The following DNAH1 variants were observed in gnomAD, a reference collection of about 807,000 sequenced individuals.
The protein encoded by DNAH1 is dynein axonemal heavy chain 1.
DNAH1 carries 327 observed loss-of-function variants against 484.3 expected under a neutral mutation model. The observed-to-expected ratio is 0.68, with a 90% confidence interval of 0.62 to 0.74. The LOEUF is 0.74. Ranked by LOEUF, DNAH1 falls within the 30% of genes least tolerant of loss-of-function variation. The pLI is 0.00. For missense variants in DNAH1, 5,052 were observed against 5,546.8 expected, an observed-to-expected ratio of 0.91 and a Z score of 2.83; for synonymous variants, 2,192 against 2,191.9, an observed-to-expected ratio of 1.00 and a Z score of 0.00.
intron 12 of DNAH1, 48 bp from the exon 13 acceptor site, chr3:52,348,840 C>A (rs770893907): frequency 6.3e-7 from 1 of 1,587,916 alleles, no homozygotes; most frequent in South Asian, 1.1e-5. Context: ...TGCTCATTCA[C>A]CCCCTGGCTC....
chr3:52,382,468 C>T lies in DNAH1; in HGVS notation c.7941+13C>T. On this transcript the variant is annotated intron_variant, in intron 50 of 77. Transcript: ENST00000420323. ...CTCAGACACCCAGGTGCCACTGCCA[C>T]AGCAGAGGGCAGGGCTCGGGGGGGC... The T allele has an allele frequency of 6.2e-7, 1 of 1,613,210 alleles. No homozygotes were observed. Among genetic ancestry groups the T allele is most frequent in the Non-Finnish European group, 8.5e-7 (1 of 1,179,334 alleles).
chr3:52,350,969 C>T (rs1229554443), intron 16 of DNAH1, among the ~76,000 whole-genome samples: 4 of 152,230 alleles, frequency 2.6e-5, no homozygotes, highest in Admixed American at 6.5e-5. Context: ...CCTGCCTCAG[C>T]CTCCTGAGTA....
At chr3:52,398,426 C>G (rs578063477) in intron 75 of DNAH1, among the ~76,000 whole-genome samples, 19 of 152,150 alleles carry the variant, frequency 1.2e-4, no homozygotes, top group African/African-American at 4.3e-4. Flanking sequence ...GGACTATAGG[C>G]GCACACCACC....
At chr3:52,316,197 TC>T (rs1334087341), upstream of DNAH1, 3 of 152,276 alleles carry the variant, frequency 2.0e-5, no homozygotes, top group Non-Finnish European at 2.9e-5. Flanking sequence ...ATCCCTGACA[TC>T]CCACCATAGG....
intron 26 of DNAH1, 44 bp from the exon 27 acceptor site, chr3:52,359,872 C>T: frequency 6.2e-7 from 1 of 1,607,602 alleles, no homozygotes; most frequent in Non-Finnish European, 8.5e-7. Flanking sequence ...GGGTGAGCCT[C>T]CTCGTGGTAC....
rs1417394555 is a variant in DNAH1, at chr3:52,388,808, C to T, written c.9366C>T (p.Leu3122=). Reference sequence around the variant, plus strand: ...ACCCCACGGGGCTGCCCCTCCAGCTCATCAACGGGCTGTCGGATGAGAAGG... The same window carrying T: ...ACCCCACGGGGCTGCCCCTCCAGCTTATCAACGGGCTGTCGGATGAGAAGG... ...CEQRLGRAGK[L]INGLSDEKVR... The change falls in exon 59 of 78, where the codon CTC becomes CTT. Residue 3122 remains leucine, a splice_region_variant and synonymous_variant. Transcript: ENST00000420323. 5 of 1,613,316 alleles carry T rather than the reference C, an allele frequency of 3.1e-6. No homozygotes were observed. Among genetic ancestry groups the T allele is most frequent in the East Asian group, 2.2e-5 (1 of 44,888 alleles).
At chr3:52,352,135 A>G in intron 17 of DNAH1, 32 bp downstream of exon 17, 1 of 1,557,738 alleles carries the variant, frequency 6.4e-7, no homozygotes, top group Non-Finnish European at 8.7e-7. Context: ...GGTGCTGGAC[A>G]CAGCCCCCAC....
intron 34 of DNAH1, 93 bp downstream of exon 34, chr3:52,365,112 A>G: frequency 1.4e-6 from 2 of 1,477,368 alleles, no homozygotes; most frequent in South Asian, 2.7e-5. Context: ...GTCCAACCCC[A>G]GGGGCCCTCA....
At chr3:52,376,348 C>T (rs1451713177) in intron 46 of DNAH1, among the ~76,000 whole-genome samples, 1 of 152,200 alleles carries the variant, frequency 6.6e-6, no homozygotes, top group Non-Finnish European at 1.5e-5. Flanking sequence ...GTGGTTTGTG[C>T]GGGGCAGGCA....
At chr3:52,366,980 G>A (rs1481303594) in intron 36 of DNAH1, 93 bp downstream of exon 36, 1 of 1,450,732 alleles carries the variant, frequency 6.9e-7, no homozygotes, top group Non-Finnish European at 9.3e-7. Context: ...TAGCCCAGTG[G>A]AAGGCCGGGC....
At chr3:52,359,792 C>T in intron 26 of DNAH1, 124 bp from the exon 27 acceptor site, 1 of 1,329,704 alleles carries the variant, frequency 7.5e-7, no homozygotes, top group South Asian at 1.3e-5. Context: ...CCCCTCCCAA[C>T]TCAGACCATC....
intron 1 of DNAH1, among the ~76,000 whole-genome samples, chr3:52,316,933 T>A: frequency 6.6e-6 from 1 of 152,228 alleles, no homozygotes. Flanking sequence ...GTGATGTTTT[T>A]CTTTTGGTTC....
chr3:52,379,933 A>G lies in DNAH1; in HGVS notation c.7406A>G (p.Tyr2469Cys). 1 of 1,571,786 alleles carries G rather than the reference A, an allele frequency of 6.4e-7. No homozygotes were observed. Among genetic ancestry groups the G allele is most frequent in the Non-Finnish European group, 8.6e-7 (1 of 1,159,048 alleles). Residue 2469 changes from tyrosine to cysteine, a missense_variant, in exon 48 of 78, where the codon TAT becomes TGT. By Grantham distance (194) the Tyr-to-Cys change is radical. Around this residue, in one of 4 missense-constraint regions of DNAH1, gnomAD observed 2,929 missense variants for 3,409.4 expected, o/e 0.86. Coordinates refer to ENST00000420323, the MANE Select transcript of DNAH1 (RefSeq NM_015512.5). The surrounding 1 kb of genome is among the most constrained non-coding windows in gnomAD (Gnocchi z 4.4). ...EDQVQLLRLW[Y>C]HENCRVFRDR... ...CAAGTGCAGCTGCTGCGACTGTGGT[A>G]TCACGAGAACTGCCGCGTGTTCCGG...
At chr3:52,326,016 C>A in intron 3 of DNAH1, 124 bp from the exon 4 acceptor site, 1 of 997,344 alleles carries the variant, frequency 1.0e-6, no homozygotes, top group South Asian at 2.2e-5. Context: ...CAGCCACAGG[C>A]AAGCTTTGAG....
intron 8 of DNAH1, among the ~76,000 whole-genome samples, chr3:52,343,721 A>C (rs1423755093): frequency 6.6e-6 from 1 of 151,932 alleles, no homozygotes; most frequent in African/African-American, 2.4e-5. Context: ...GGTGGGAGGG[A>C]GGGAGAGATC....
At chr3:52,329,220 C>T (rs1191944555) in intron 6 of DNAH1, among the ~76,000 whole-genome samples, 1 of 152,074 alleles carries the variant, frequency 6.6e-6, no homozygotes, top group Non-Finnish European at 1.5e-5. Context: ...TTCACATGGC[C>T]CTGGTCTGGG....
chr3:52,337,859 A>AT (rs1701790525), intron 8 of DNAH1, among the ~76,000 whole-genome samples: 1 of 152,186 alleles, frequency 6.6e-6, no homozygotes, highest in African/African-American at 2.4e-5. Context: ...TAGCACAACA[A>AT]TCATAGCTCA....
At chr3:52,360,733 G>C (rs565382278) in intron 28 of DNAH1, among the ~76,000 whole-genome samples, 1 of 152,312 alleles carries the variant, frequency 6.6e-6, no homozygotes, top group Non-Finnish European at 1.5e-5. Context: ...CATCTAATGG[G>C]TATGCACTTT....
Position 52,388,332 on chromosome 3 carries a change from C to A in DNAH1, c.9169C>A (p.Arg3057=). The change falls in exon 57 of 78, where the codon CGG becomes AGG. Residue 3057 remains arginine, a splice_region_variant and synonymous_variant. Coordinates refer to ENST00000420323, the MANE Select transcript of DNAH1 (RefSeq NM_015512.5). ...HFVAKAVEPK[R]QALLEAQDDL... ...TGTGGCCAAGGCCGTGGAGCCCAAG[C>A]GGGTGAGGGCTGAGTGGAGCTGGTG... 1 of 1,602,036 alleles carries A rather than the reference C, an allele frequency of 6.2e-7. No homozygotes were observed. The highest frequency in any genetic ancestry group is 8.5e-7 in the Non-Finnish European group (1 of 1,174,382).
Sources: allele counts gnomAD v4.1 joint callset (sites outside exome capture counted in the v4.1 genomes callset), GRCh38; gene constraint gnomAD v4.1.1; regional missense constraint gnomAD v4.1.1; non-coding constraint Gnocchi (gnomAD v3.1); transcripts MANE v1.5; gene names NCBI Gene and HGNC (gene_info 2026-07-23, HGNC 2026-07-21).